Variants in DPP10 observed in about 807,000 individuals in gnomAD.
DPP10 encodes dipeptidyl peptidase like 10.
Under a neutral mutation model 120.9 loss-of-function variants are expected in DPP10, and 33 were observed. The ratio of observed to expected loss-of-function variants is 0.27; its 90% confidence interval spans 0.21 to 0.37. The LOEUF is 0.37. Among genes scored for constraint, DPP10 ranks in the 10% least tolerant of loss-of-function variants. The pLI is 1.00. For missense variants in DPP10, 816 were observed against 942.8 expected, an observed-to-expected ratio of 0.87 and a Z score of 1.76; for synonymous variants, 337 against 326.1, an observed-to-expected ratio of 1.03 and a Z score of -0.36.
At chr2:114,541,295 A>G (rs1197081637) in intron 1 of DPP10, among the ~76,000 whole-genome samples, 3 of 152,206 alleles carry the variant, frequency 2.0e-5, no homozygotes, top group African/African-American at 4.8e-5. Context: ...TATTCCATCC[A>G]GTGGTTTGTA....
chr2:115,107,304 A>G (rs2048996356), intron 1 of DPP10, among the ~76,000 whole-genome samples: 2 of 151,956 alleles, frequency 1.3e-5, no homozygotes, highest in Admixed American at 1.3e-4. Context: ...AATTTCCTTA[A>G]AATACTGAAA....
intron 1 of DPP10, among the ~76,000 whole-genome samples, chr2:115,088,970 C>T (rs1709010397): frequency 6.6e-6 from 1 of 152,024 alleles, no homozygotes; most frequent in Non-Finnish European, 1.5e-5. Context: ...ACTTCCACAA[C>T]CTTTATTGCC....
At chr2:115,745,899 GC>G (rs142374128) in intron 9 of DPP10, among the ~76,000 whole-genome samples, 186 bp from the exon 10 acceptor site, 17 of 152,246 alleles carry the variant, frequency 1.1e-4, no homozygotes, top group African/African-American at 3.9e-4. Flanking sequence ...TGATTGAGAA[GC>G]AGCAATCTTC....
rs192041467 is a variant in DPP10 at position 114,454,393 on chromosome 2, T to C, written c.60+11555T>C. The stretch of plus-strand genomic sequence containing the variant: ...TGTTCTTATTTTATAGATGAAAACA[T>C]TAACTTGCCCAATGTCACCCAGACT... On this transcript the variant is annotated intron_variant, in intron 1 of 25. Transcript: ENST00000410059. 6.2e-4 allele frequency among the ~76,000 whole-genome samples: 94 copies of C among 152,270 alleles called. 1 individual carries two copies. Among genetic ancestry groups the C allele is most frequent in the South Asian group, 2.1e-4 (1 of 4,824 alleles).
chr2:114,944,814 T>G (rs896342117), intron 1 of DPP10, among the ~76,000 whole-genome samples: 1 of 152,214 alleles, frequency 6.6e-6, no homozygotes, highest in Non-Finnish European at 1.5e-5. Context: ...CTTGATTTTT[T>G]AAATATTCTT....
chr2:115,192,301 T>C (rs923499008), intron 1 of DPP10, among the ~76,000 whole-genome samples: 1 of 152,238 alleles, frequency 6.6e-6, no homozygotes, highest in Non-Finnish European at 1.5e-5. Context: ...AGACGACCAA[T>C]TGGAGGCATC....
rs141535458 is a variant in DPP10, at chr2:115,838,856, T to G, written c.2183-1894T>G. Among the ~76,000 whole-genome samples the G allele has an allele frequency of 3.5e-4, 53 of 152,212 alleles. No individual in the cohort carries two copies. The East Asian group carries it at 9.3e-3, about 27-fold the overall frequency. ...ACACAACCCATACGGGCCTGGTGAA[T>G]TATAGGTGCTCAGTCATGACACTGT... On this transcript the variant is annotated intron_variant, in intron 24 of 25. Transcript: ENST00000410059.
chr2:114,926,655 GT>G (rs1369299160), intron 1 of DPP10, among the ~76,000 whole-genome samples: 1 of 152,114 alleles, frequency 6.6e-6, no homozygotes, highest in East Asian at 1.9e-4. Flanking sequence ...GGAGAGAAGG[GT>G]CCATGTGTTC....
chr2:115,356,175 T>C (rs921538865), intron 3 of DPP10, among the ~76,000 whole-genome samples: 1 of 152,230 alleles, frequency 6.6e-6, no homozygotes. Context: ...ATGTTGGTTC[T>C]TCCTGTCCAT....
intron 19 of DPP10, among the ~76,000 whole-genome samples, chr2:115,803,917 G>T (rs1203667194): frequency 3.9e-5 from 6 of 152,034 alleles, no homozygotes; most frequent in Non-Finnish European, 5.9e-5. Context: ...TCTTGGAGTT[G>T]CTCTTCTCGA....
intron 1 of DPP10, among the ~76,000 whole-genome samples, chr2:114,694,585 T>G (rs1440559500): frequency 2.6e-5 from 4 of 152,000 alleles, no homozygotes; most frequent in Non-Finnish European, 5.9e-5. Context: ...AACATTTGAA[T>G]GGATAACCAT....
intron 3 of DPP10, among the ~76,000 whole-genome samples, chr2:115,418,457 T>A (rs1255406936): frequency 6.6e-6 from 1 of 151,992 alleles, no homozygotes; most frequent in African/African-American, 2.4e-5. Context: ...TAAGGGTTTG[T>A]TAGGATGAAC....
chr2:115,528,802 C>G (rs1045236617), intron 5 of DPP10, among the ~76,000 whole-genome samples: 3 of 151,906 alleles, frequency 2.0e-5, no homozygotes, highest in African/African-American at 7.3e-5. Context: ...ATAACATTCT[C>G]AAAATGGCAA....
intron 1 of DPP10, among the ~76,000 whole-genome samples, chr2:114,816,847 C>A (rs182363997): frequency 6.6e-6 from 1 of 152,152 alleles, no homozygotes; most frequent in Non-Finnish European, 1.5e-5. Flanking sequence ...ACAGGAAGAT[C>A]AGAAACTCCT....
At chr2:115,461,858 G>T (rs1334047837) in intron 3 of DPP10, among the ~76,000 whole-genome samples, 1 of 152,030 alleles carries the variant, frequency 6.6e-6, no homozygotes, top group African/African-American at 2.4e-5. Flanking sequence ...ACTGAGTATA[G>T]AGTTAATTCC....
At chr2:114,455,598 T>A (rs1678531742) in intron 1 of DPP10, among the ~76,000 whole-genome samples, 2 of 152,140 alleles carry the variant, frequency 1.3e-5, no homozygotes, top group Non-Finnish European at 2.9e-5. Context: ...CTAACTTATT[T>A]CATTGGAGTT....
intron 7 of DPP10, among the ~76,000 whole-genome samples, chr2:115,690,940 T>C (rs2091280546): frequency 6.6e-6 from 1 of 152,160 alleles, no homozygotes; most frequent in Non-Finnish European, 1.5e-5. Flanking sequence ...TTCCAGACTT[T>C]TAAATAATTA....
intron 5 of DPP10, among the ~76,000 whole-genome samples, chr2:115,568,515 A>T (rs1575201478): frequency 6.6e-6 from 1 of 151,042 alleles, no homozygotes; most frequent in African/African-American, 2.4e-5. Flanking sequence ...ATCTCAGTAT[A>T]TTTTAATTTG....
At chr2:115,412,504 A>G (rs2069032762) in intron 3 of DPP10, among the ~76,000 whole-genome samples, 1 of 152,220 alleles carries the variant, frequency 6.6e-6, no homozygotes. Context: ...CGAAATTTAA[A>G]TTTGTTGTGA....
Sources: allele counts gnomAD v4.1 joint callset (sites outside exome capture counted in the v4.1 genomes callset), GRCh38; gene constraint gnomAD v4.1.1; transcripts MANE v1.5; gene names NCBI Gene and HGNC (gene_info 2026-07-23, HGNC 2026-07-21).